CADPS2: variants seen among roughly 807,000 people sequenced by gnomAD.
CADPS2 encodes the protein calcium dependent secretion activator 2.
CADPS2 carries 93 observed loss-of-function variants against 172.5 expected under a neutral mutation model. The observed-to-expected ratio is 0.54, with a 90% confidence interval of 0.46 to 0.64. The LOEUF (loss-of-function observed/expected upper bound fraction) is 0.64. Among genes scored for constraint, CADPS2 ranks in the 30% least tolerant of loss-of-function variants. CADPS2 has a pLI of 0.00. For synonymous variants in CADPS2, 546 were observed against 555.2 expected (o/e 0.98, Z 0.23); for missense variants, 1,420 against 1,565.9 (o/e 0.91, Z 1.57).
chr7:122,757,292 G>A (rs2093203972), intron 1 of CADPS2, among the ~76,000 whole-genome samples: 1 of 151,926 alleles, frequency 6.6e-6, no homozygotes, highest in African/African-American at 2.4e-5. Context: ...GACTTGGGAG[G>A]TGCACGCCAC....
chr7:122,779,685 C>T (rs1426546435), intron 1 of CADPS2, among the ~76,000 whole-genome samples: 4 of 152,086 alleles, frequency 2.6e-5, no homozygotes, highest in African/African-American at 9.7e-5. Context: ...TCAACATCTT[C>T]GAAAGTTGAA....
At chr7:122,867,136 C>T (rs1269069279) in intron 1 of CADPS2, among the ~76,000 whole-genome samples, 1 of 152,140 alleles carries the variant, frequency 6.6e-6, no homozygotes, top group Non-Finnish European at 1.5e-5. Context: ...GCCCTGACCA[C>T]CCTATCTAAA....
intron 1 of CADPS2, among the ~76,000 whole-genome samples, chr7:122,782,929 T>C (rs1315899316): frequency 6.6e-6 from 1 of 152,232 alleles, no homozygotes; most frequent in Non-Finnish European, 1.5e-5. Flanking sequence ...ATGACTCATT[T>C]TGCATTTCCC....
At chr7:122,819,699 C>T (rs1402359996) in intron 1 of CADPS2, among the ~76,000 whole-genome samples, 3 of 152,072 alleles carry the variant, frequency 2.0e-5, no homozygotes, top group Non-Finnish European at 4.4e-5. Context: ...GACACTTTAA[C>T]TAAATTATCT....
intron 25 of CADPS2, among the ~76,000 whole-genome samples, chr7:122,375,769 T>C (rs2042266866): frequency 1.3e-5 from 2 of 151,748 alleles, no homozygotes; most frequent in Admixed American, 6.6e-5. Flanking sequence ...TGAGATTATA[T>C]CAAGTAAAAC....
chr7:122,369,842 A>C (rs1431611865), intron 25 of CADPS2: 4 of 152,212 alleles, frequency 2.6e-5, no homozygotes, highest in African/African-American at 9.7e-5. Context: ...AACAGCTTCT[A>C]CACTATCCCC....
Position 122,539,390 on chromosome 7 carries a change from A to C in CADPS2, c.1475+15160T>G, listed in dbSNP as rs147626908. 7.3e-3 allele frequency among the ~76,000 whole-genome samples: 1,111 copies of C among 152,264 alleles called. 7 individuals are homozygous for C. Among genetic ancestry groups the C allele is most frequent in the Non-Finnish European group, 0.012 (812 of 67,996 alleles). On this transcript the variant is annotated intron_variant, in intron 8 of 29. Transcript: ENST00000449022. Reference sequence around the variant, plus strand: ...TTTCCAGCTTCTAAAACTGAGCTAAATAAATTTCTGTTCATTATAAACGAC... The same window carrying C: ...TTTCCAGCTTCTAAAACTGAGCTAACTAAATTTCTGTTCATTATAAACGAC...
rs146793432 is a variant in CADPS2, at chr7:122,516,900, T to TAA, written c.1476-3586_1476-3585insTT. ...CCATGTCTTCCTTTTATTGTTTGAG[T>TAA]AGTTTATTGGTATAGTTTACATAAA... On this transcript the variant is annotated intron_variant, in intron 8 of 29. Transcript: ENST00000449022. Among the ~76,000 whole-genome samples the TAA allele has an allele frequency of 7.8e-3, 1,186 of 152,140 alleles. 15 individuals are homozygous for TAA. The highest frequency in any genetic ancestry group is 0.028 in the African/African-American group (1,147 of 41,522).
intron 4 of CADPS2, among the ~76,000 whole-genome samples, chr7:122,628,214 A>G (rs2076260352): frequency 1.3e-5 from 2 of 152,264 alleles, no homozygotes; most frequent in African/African-American, 4.8e-5. Context: ...ATAAACACTT[A>G]AACAGTGTTA....
At chr7:122,578,358 G>A (rs35967022) in intron 7 of CADPS2, among the ~76,000 whole-genome samples, 6,267 of 152,122 alleles carry the variant, frequency 0.041, 228 homozygotes, top group Non-Finnish European at 0.057. Flanking sequence ...AGGTATGAGT[G>A]TACAATGTTT....
At chr7:122,646,882 A>T (rs1237143221) in intron 3 of CADPS2, among the ~76,000 whole-genome samples, 2 of 152,126 alleles carry the variant, frequency 1.3e-5, no homozygotes, top group Admixed American at 1.3e-4. Flanking sequence ...CAGCTATGGC[A>T]ATTGCTATGA....
chr7:122,767,651 A>T (rs2093595400), intron 1 of CADPS2, among the ~76,000 whole-genome samples: 1 of 152,172 alleles, frequency 6.6e-6, no homozygotes, highest in South Asian at 2.1e-4. Flanking sequence ...GGACCTACCC[A>T]TAGATGGTGT....
At chr7:122,867,972 T>C (rs1369422018) in intron 1 of CADPS2, among the ~76,000 whole-genome samples, 4 of 152,126 alleles carry the variant, frequency 2.6e-5, no homozygotes, top group Non-Finnish European at 2.9e-5. Context: ...CCCTGGTTCA[T>C]TTCAGTGATA....
At chr7:122,323,878 T>TAC (rs1213128922) in intron 29 of CADPS2, among the ~76,000 whole-genome samples, 8 of 5,590 alleles carry the variant, frequency 1.4e-3, no homozygotes, top group African/African-American at 3.8e-3. Flanking sequence ...ATATTTTATA[T>TAC]ATATATATAT....
At chr7:122,367,582 T>TCACCCAG (rs2041117934) in intron 25 of CADPS2, among the ~76,000 whole-genome samples, 1 of 147,700 alleles carries the variant, frequency 6.8e-6, no homozygotes, top group Admixed American at 6.8e-5. Flanking sequence ...TCTTACTTTG[T>TCACCCAG]CACCCAGGCT....
intron 27 of CADPS2, among the ~76,000 whole-genome samples, chr7:122,352,130 G>A (rs772896484): frequency 3.3e-5 from 5 of 152,158 alleles, no homozygotes; most frequent in Non-Finnish European, 5.9e-5. Context: ...TAACATCCCA[G>A]AGTTTAGAGG....
intron 2 of CADPS2, among the ~76,000 whole-genome samples, chr7:122,725,786 C>T (rs1226985584): frequency 1.3e-5 from 2 of 151,724 alleles, no homozygotes; most frequent in East Asian, 2.0e-4. Flanking sequence ...AGAGAGACAC[C>T]ATGGTCTTGC....
chr7:122,648,700 A>G (rs952186041), intron 3 of CADPS2, among the ~76,000 whole-genome samples: 1 of 152,172 alleles, frequency 6.6e-6, no homozygotes, highest in Non-Finnish European at 1.5e-5. Flanking sequence ...GAGAGTAGGT[A>G]GTTCAGTGTT....
chr7:122,676,547 G>A (rs946913397), intron 2 of CADPS2: 17 of 602,452 alleles, frequency 2.8e-5, no homozygotes, highest in African/African-American at 9.4e-5. Context: ...GCAGCAGTTG[G>A]AGAAGGATGC....
Sources: allele counts gnomAD v4.1 joint callset (sites outside exome capture counted in the v4.1 genomes callset), GRCh38; gene constraint gnomAD v4.1.1; transcripts MANE v1.5; gene names NCBI Gene and HGNC (gene_info 2026-07-23, HGNC 2026-07-21).